The following KLRG2 variants were observed in gnomAD, a reference collection of about 807,000 sequenced individuals.
The protein encoded by KLRG2 is killer cell lectin-like receptor subfamily G member 2.
A neutral mutation model predicts 35.4 loss-of-function variants in KLRG2; 39 were observed. The ratio of observed to expected loss-of-function variants is 1.10; its 90% CI spans 0.85 to 1.44. The LOEUF is 1.44. KLRG2 is among the 40% of genes most tolerant of loss of function. The pLI is 0.00. For synonymous variants in KLRG2, 283 were observed against 265.8 expected (o/e 1.06, Z -0.63); for missense variants, 632 against 570.9 (o/e 1.11, Z -1.09).
intron 1 of KLRG2, among the ~76,000 whole-genome samples, chr7:139,481,298 T>C (rs1796955803): frequency 6.6e-6 from 1 of 152,224 alleles, no homozygotes; most frequent in Non-Finnish European, 1.5e-5. Context: ...AGATAATACA[T>C]TTGTGTCACT....
intron 3 of KLRG2, among the ~76,000 whole-genome samples, chr7:139,462,263 G>A (rs1232386068): frequency 6.6e-6 from 1 of 152,102 alleles, no homozygotes; most frequent in Non-Finnish European, 1.5e-5. Flanking sequence ...GATCACACAG[G>A]GACGCCTGCC....
the KLRG2 span, among the ~76,000 whole-genome samples, chr7:139,432,052 T>TA: frequency 1.8e-3 from 260 of 147,040 alleles, 3 homozygotes; most frequent in African/African-American, 5.0e-3. Flanking sequence ...ATGTATGTTT[T>TA]AAAAAAAAAA....
chr7:139,434,863 T>C, the KLRG2 span, among the ~76,000 whole-genome samples: 1 of 152,134 alleles, frequency 6.6e-6, no homozygotes, highest in Non-Finnish European at 1.5e-5. Context: ...GAAGCGATAA[T>C]AATACATTTA....
intron 3 of KLRG2, among the ~76,000 whole-genome samples, chr7:139,462,243 A>G (rs1311244135): frequency 6.6e-6 from 1 of 152,188 alleles, no homozygotes; most frequent in African/African-American, 2.4e-5. Context: ...CCCACGTTTC[A>G]GAGGTGTCTG....
At chr7:139,461,106 C>G (rs988758225) in intron 3 of KLRG2, among the ~76,000 whole-genome samples, 1 of 152,026 alleles carries the variant, frequency 6.6e-6, no homozygotes, top group Non-Finnish European at 1.5e-5. Flanking sequence ...AAAAATTATC[C>G]AGGCATGGTG....
chr7:139,462,392 TTC>T (rs112701210), intron 3 of KLRG2, among the ~76,000 whole-genome samples: 25,764 of 150,986 alleles, frequency 0.17, 2,375 homozygotes, highest in Middle Eastern at 0.22. Flanking sequence ...CCCCCATCCC[TTC>T]TCTCTGTGTG....
the KLRG2 span, among the ~76,000 whole-genome samples, chr7:139,427,825 G>T: frequency 6.6e-6 from 1 of 152,126 alleles, no homozygotes; most frequent in East Asian, 1.9e-4. Flanking sequence ...TGAATGAAGT[G>T]CCTCATGTTT....
At chr7:139,440,411 C>CTTT in the KLRG2 span, among the ~76,000 whole-genome samples, 2,463 of 40,352 alleles carry the variant, frequency 0.061, 552 homozygotes, top group African/African-American at 0.1. Context: ...CCACACCTGG[C>CTTT]TTTTTTTTTT....
chr7:139,460,680 T>G (rs1585165707), intron 3 of KLRG2, among the ~76,000 whole-genome samples: 1 of 148,834 alleles, frequency 6.7e-6, no homozygotes, highest in East Asian at 2.0e-4. Flanking sequence ...AAAAGACAGC[T>G]GGGCACAGTG....
the KLRG2 span, among the ~76,000 whole-genome samples, chr7:139,429,828 C>A: frequency 5.7e-4 from 87 of 152,314 alleles, 1 homozygote; most frequent in African/African-American, 1.9e-3. Flanking sequence ...CCTTCCCCCC[C>A]CTTTCTATTC....
chr7:139,480,058 C>T, intron 2 of KLRG2, 88 bp downstream of exon 2: 1 of 956,234 alleles, frequency 1.0e-6, no homozygotes. Flanking sequence ...GTGTCTCTTT[C>T]TAATTCTAAG....
intron 3 of KLRG2, among the ~76,000 whole-genome samples, chr7:139,456,927 G>A (rs940936247): frequency 3.0e-5 from 4 of 134,524 alleles, no homozygotes; most frequent in African/African-American, 7.1e-5. Flanking sequence ...GCCTCCCCGC[G>A]CTCACTGCCA....
Position 139,453,603 on chromosome 7 carries a change from G to A in KLRG2, c.1214C>T (p.Ala405Val), listed in dbSNP as rs755242620. ...NCSTPRPWVC[A>V]KGTQ is the part of the protein sequence containing the mutation. ...GAGCCCAGATCACTGGGTCCCCTTGGCACAGACCCAGGGTCTTGGAGTGCT... is the reference window on the plus strand; with the variant it reads ...GAGCCCAGATCACTGGGTCCCCTTGACACAGACCCAGGGTCTTGGAGTGCT... The change falls in exon 5 of 5, where the codon GCC (alanine) becomes GTC (valine). Residue 405 changes from alanine to valine, a missense_variant. Physicochemically the swap from Ala to Val is moderately conservative, Grantham distance 64. Transcript: ENST00000340940. The A allele has an allele frequency of 1.9e-6, 3 of 1,605,312 alleles. No individual in the cohort carries two copies. In the South Asian group the frequency reaches 3.4e-5, roughly 18 times the overall value.
At chr7:139,476,996 G>A (rs535051862) in intron 3 of KLRG2, among the ~76,000 whole-genome samples, 2 of 152,180 alleles carry the variant, frequency 1.3e-5, no homozygotes, top group East Asian at 1.9e-4. Context: ...TGCCAAACAC[G>A]GAGTAAGTGC....
chr7:139,479,542 C>T, intron 3 of KLRG2, 85 bp downstream of exon 3: 3 of 1,340,824 alleles, frequency 2.2e-6, no homozygotes, highest in Non-Finnish European at 3.1e-6. Flanking sequence ...AAGAGCTGGA[C>T]TCAATCATTA....
chr7:139,445,829 GTTTTATT>G, the KLRG2 span, among the ~76,000 whole-genome samples: 3 of 115,220 alleles, frequency 2.6e-5, no homozygotes, highest in South Asian at 7.2e-4. Flanking sequence ...TGCTCTTTAA[GTTTTATT>G]TTTTATTTTT....
chr7:139,471,342 A>G (rs534631151), intron 3 of KLRG2, among the ~76,000 whole-genome samples: 4 of 152,238 alleles, frequency 2.6e-5, no homozygotes, highest in African/African-American at 9.6e-5. Context: ...ATACAGCAAT[A>G]AGAGATACTG....
At chr7:139,456,673 G>A (rs1796481679) in intron 3 of KLRG2, among the ~76,000 whole-genome samples, 1 of 152,274 alleles carries the variant, frequency 6.6e-6, no homozygotes, top group African/African-American at 2.4e-5. Flanking sequence ...TTTTTTAAGA[G>A]ACAGGATCTC....
the KLRG2 span, among the ~76,000 whole-genome samples, chr7:139,447,098 G>A: frequency 1.3e-5 from 2 of 152,156 alleles, no homozygotes; most frequent in Non-Finnish European, 2.9e-5. Flanking sequence ...GAGCTTAGAT[G>A]ACAGAAAGTC....
Sources: allele counts gnomAD v4.1 joint callset (sites outside exome capture counted in the v4.1 genomes callset), GRCh38; gene constraint gnomAD v4.1.1; transcripts MANE v1.5; gene names NCBI Gene and HGNC (gene_info 2026-07-23, HGNC 2026-07-21).